XPO7: variants seen among roughly 807,000 people sequenced by gnomAD.
XPO7 encodes exportin 7.
A neutral mutation model predicts 144.3 loss-of-function variants in XPO7; 21 were observed. The ratio of observed to expected loss-of-function variants is 0.15; its 90% CI spans 0.10 to 0.21. The LOEUF (loss-of-function observed/expected upper bound fraction) is 0.21. Ranked by LOEUF, XPO7 falls within the 10% of genes least tolerant of loss-of-function variation. The probability of loss-of-function intolerance (pLI) is 1.00; values close to 1 mark genes in which losing one functional copy is unlikely to be tolerated. For missense variants in XPO7, 808 were observed against 1,325.8 expected (o/e 0.61, Z 6.06); for synonymous variants, 580 against 499.6 (o/e 1.16, Z -2.15).
Position 21,976,645 on chromosome 8 carries a change from C to T in XPO7, c.763+124C>T, listed in dbSNP as rs1398649818. ...AGGGAGAATTGAGAAAAAATTCTAA[C>T]GTCTTTTTTTGTTTGTTTGTTTTTT... On this transcript the variant is annotated intron_variant, in intron 7 of 27. Coordinates refer to ENST00000252512, the MANE Select transcript of XPO7 (RefSeq NM_015024.5). The T allele has an allele frequency of 3.5e-5, 42 of 1,190,252 alleles. No individual in the cohort carries two copies. In the Admixed American group the frequency reaches 9.8e-4, roughly 28 times the overall value. The allele number at this position is 1,190,252 out of a possible 1,614,324, so 73.7% of individuals were successfully genotyped here.
At chr8:21,994,069 A>G (rs1460818454) in intron 19 of XPO7, among the ~76,000 whole-genome samples, 2 of 150,464 alleles carry the variant, frequency 1.3e-5, no homozygotes, top group East Asian at 2.0e-4. Context: ...ATCAGCCTCT[A>G]TTTTTGCTAC....
chr8:21,977,658 CTG>C (rs1472526049), intron 7 of XPO7, 110 bp from the exon 8 acceptor site: 1 of 968,820 alleles, frequency 1.0e-6, no homozygotes, highest in Non-Finnish European at 1.6e-6. Flanking sequence ...AATAAATACT[CTG>C]TAAGATAAGT....
chr8:22,005,084 G>A lies in XPO7; in HGVS notation c.3260G>A (p.Ser1087Asn). ...GGCGTGAATAGCAATGACATGATGA[G>A]CTGACACCTCCTTGGACTCTACCTG... ...TYGVNSNDMM[S>N] Residue 1087 changes from serine (S) to asparagine (N), a missense_variant, in exon 28 of 28, where the codon AGC (serine) becomes AAC (asparagine). Physicochemically the swap from Ser to Asn is conservative, Grantham distance 46. Coordinates refer to ENST00000252512, the MANE Select transcript of XPO7 (RefSeq NM_015024.5). 6.2e-7 allele frequency: 1 copy of A among 1,612,896 alleles called. No homozygotes were observed. The highest frequency in any genetic ancestry group is 2.2e-5 in the East Asian group (1 of 44,840).
At chr8:21,942,226 C>A (rs13278159) in intron 1 of XPO7, among the ~76,000 whole-genome samples, 54,825 of 152,044 alleles carry the variant, frequency 0.36, 10,445 homozygotes, top group Non-Finnish European at 0.42. Context: ...TCATTTGTAG[C>A]AGCAGTTCTC....
At chr8:22,003,167 T>G in intron 25 of XPO7, 52 bp from the exon 26 acceptor site, 1 of 1,432,526 alleles carries the variant, frequency 7.0e-7, no homozygotes. Context: ...TCGTTTTATC[T>G]TGGGTAGCAA....
At chr8:21,988,789 A>G in intron 15 of XPO7, 1 of 552,034 alleles carries the variant, frequency 1.8e-6, no homozygotes, top group Admixed American at 3.1e-5. Context: ...TTTGGAACCA[A>G]GTAGTGAAGA....
At chr8:21,966,074 C>T (rs992064256) in intron 1 of XPO7, among the ~76,000 whole-genome samples, 3 of 152,296 alleles carry the variant, frequency 2.0e-5, no homozygotes, top group African/African-American at 7.2e-5. Context: ...TATATGCCTC[C>T]CTATGGGTTT....
At chr8:21,998,293 T>G (rs1049585638) in intron 21 of XPO7, among the ~76,000 whole-genome samples, 20 of 152,062 alleles carry the variant, frequency 1.3e-4, no homozygotes, top group African/African-American at 4.8e-4. Flanking sequence ...TACAAAAAAT[T>G]AGCTGGGCGT....
intron 21 of XPO7, among the ~76,000 whole-genome samples, chr8:21,997,252 T>C (rs1812982702): frequency 6.6e-6 from 1 of 152,226 alleles, no homozygotes; most frequent in African/African-American, 2.4e-5. Context: ...TCCTAGCCAC[T>C]ATGCCAGACA....
At chr8:21,965,074 C>T (rs911614673) in intron 1 of XPO7, among the ~76,000 whole-genome samples, 9 of 151,796 alleles carry the variant, frequency 5.9e-5, no homozygotes, top group Admixed American at 3.9e-4. Flanking sequence ...TAGCAGCTTA[C>T]GTTTTAGTTA....
chr8:21,939,514 C>G (rs1810925082), intron 1 of XPO7, among the ~76,000 whole-genome samples: 1 of 152,204 alleles, frequency 6.6e-6, no homozygotes, highest in African/African-American at 2.4e-5. Context: ...AGCCACCGCC[C>G]CAGGTCTGTT....
At chr8:21,962,792 A>G (rs931718048) in intron 1 of XPO7, among the ~76,000 whole-genome samples, 3 of 152,252 alleles carry the variant, frequency 2.0e-5, no homozygotes, top group Non-Finnish European at 4.4e-5. Flanking sequence ...CTAACCTAAC[A>G]ATAATTGTTG....
intron 1 of XPO7, among the ~76,000 whole-genome samples, chr8:21,963,218 G>A (rs1256441964): frequency 6.6e-6 from 1 of 152,170 alleles, no homozygotes; most frequent in Non-Finnish European, 1.5e-5. Flanking sequence ...ATGGCTGGGT[G>A]GCAGTCAGGT....
chr8:21,995,647 A>G (rs185240888), intron 21 of XPO7, 48 bp downstream of exon 21: 1 of 1,444,454 alleles, frequency 6.9e-7, no homozygotes, highest in Admixed American at 2.0e-5. Context: ...CTGTTATCTG[A>G]GAGAATTTGC....
chr8:21,982,978 C>T (rs1283985756), intron 11 of XPO7, among the ~76,000 whole-genome samples, 166 bp downstream of exon 11: 2 of 152,218 alleles, frequency 1.3e-5, no homozygotes, highest in East Asian at 3.8e-4. Flanking sequence ...GAGCATAAAG[C>T]CTGATAGAAT....
chr8:21,947,350 AC>A (rs1255219462), intron 1 of XPO7, among the ~76,000 whole-genome samples: 3 of 152,204 alleles, frequency 2.0e-5, no homozygotes, highest in Non-Finnish European at 4.4e-5. Context: ...GAATTCAAAA[AC>A]AAGCAAAAAC....
chr8:22,002,533 CTT>C (rs1383138675), intron 25 of XPO7, among the ~76,000 whole-genome samples: 2 of 152,206 alleles, frequency 1.3e-5, no homozygotes, highest in Non-Finnish European at 2.9e-5. Flanking sequence ...TCACTATCCT[CTT>C]TCTGTGAAAA....
chr8:21,991,985 C>T lies in XPO7; in HGVS notation c.2148+11C>T. The T allele has an allele frequency of 1.2e-6, 2 of 1,605,128 alleles. No individual in the cohort carries two copies. The highest frequency in any genetic ancestry group is 1.7e-6 in the Non-Finnish European group (2 of 1,173,910). ...GAGCAGGAGGCAAAGGTGAGTGAGT[C>T]TTTCACCCAGTAATTAATCAGCTTC... On this transcript the variant is annotated intron_variant, in intron 19 of 27. Transcript: ENST00000252512.
intron 1 of XPO7, among the ~76,000 whole-genome samples, chr8:21,941,059 A>G (rs554972186): frequency 1.3e-5 from 2 of 151,982 alleles, no homozygotes; most frequent in African/African-American, 2.4e-5. Context: ...CCATATATCT[A>G]AATCTGAGGA....
Sources: allele counts gnomAD v4.1 joint callset (sites outside exome capture counted in the v4.1 genomes callset), GRCh38; gene constraint gnomAD v4.1.1; transcripts MANE v1.5; gene names NCBI Gene and HGNC (gene_info 2026-07-23, HGNC 2026-07-21).